Variants in LRRC3B observed in about 807,000 individuals in gnomAD.
The protein encoded by LRRC3B is leucine rich repeat containing 3B, also known as leucine-rich repeat-containing protein 3B.
A neutral mutation model predicts 12.8 loss-of-function variants in LRRC3B; 2 were observed. That is an observed-to-expected ratio of 0.16 (90% CI 0.06 to 0.49). The LOEUF (loss-of-function observed/expected upper bound fraction) is 0.49. Among genes scored for constraint, LRRC3B ranks in the 20% least tolerant of loss-of-function variants. The pLI, the probability that LRRC3B is intolerant of heterozygous loss-of-function variation, is 0.96. For synonymous variants in LRRC3B, 132 were observed against 122.0 expected (o/e 1.08, Z -0.54); for missense variants, 189 against 319.4 (o/e 0.59, Z 3.11).
intron 1 of LRRC3B, among the ~76,000 whole-genome samples, chr3:26,700,817 A>G (rs1277697724): frequency 6.6e-6 from 1 of 152,194 alleles, no homozygotes; most frequent in African/African-American, 2.4e-5. Flanking sequence ...TCTGTCATTT[A>G]GCTGTAGTTA....
chr3:26,707,611 A>G (rs1700631678), intron 1 of LRRC3B, among the ~76,000 whole-genome samples: 1 of 152,184 alleles, frequency 6.6e-6, no homozygotes, highest in Non-Finnish European at 1.5e-5. Context: ...GGCTGGTTGC[A>G]TATACTCAAT....
At chr3:26,699,875 A>G (rs949949221) in intron 1 of LRRC3B, among the ~76,000 whole-genome samples, 2 of 152,186 alleles carry the variant, frequency 1.3e-5, no homozygotes, top group African/African-American at 4.8e-5. Flanking sequence ...TGGATGTAGC[A>G]GAGACATCGT....
intron 1 of LRRC3B, among the ~76,000 whole-genome samples, chr3:26,671,373 T>TATATATATATATAGAG (rs1261897533): frequency 3.5e-5 from 1 of 28,256 alleles, no homozygotes; most frequent in African/African-American, 1.5e-4. Flanking sequence ...TATATATATA[T>TATATATATATATAGAG]AGAGAGAGAG....
intron 1 of LRRC3B, among the ~76,000 whole-genome samples, chr3:26,661,114 T>C (rs1699483210): frequency 6.6e-6 from 1 of 152,168 alleles, no homozygotes; most frequent in South Asian, 2.1e-4. Context: ...CCCAGGGGTA[T>C]GTACATCAGT....
intron 1 of LRRC3B, among the ~76,000 whole-genome samples, chr3:26,684,880 C>A (rs1317897827): frequency 1.3e-5 from 2 of 152,220 alleles, no homozygotes; most frequent in Admixed American, 1.3e-4. Flanking sequence ...AGTAGCAGAT[C>A]TCTGTTACTC....
chr3:26,642,713 A>G (rs1699056298), intron 1 of LRRC3B, among the ~76,000 whole-genome samples: 1 of 152,118 alleles, frequency 6.6e-6, no homozygotes, highest in South Asian at 2.1e-4. Flanking sequence ...ACTACACATC[A>G]GCAGGAATTA....
intron 1 of LRRC3B, among the ~76,000 whole-genome samples, chr3:26,634,787 G>T (rs564544780): frequency 6.6e-6 from 1 of 152,142 alleles, no homozygotes; most frequent in Admixed American, 6.5e-5. Flanking sequence ...ATTATTTCTG[G>T]TTGAGGGGCT....
At chr3:26,656,169 GCTGCCA>G (rs1185952609) in intron 1 of LRRC3B, among the ~76,000 whole-genome samples, 6 of 152,264 alleles carry the variant, frequency 3.9e-5, no homozygotes, top group East Asian at 1.9e-4. Flanking sequence ...TGCTGCTGCT[GCTGCCA>G]CTGCCACTGC....
chr3:26,709,450 C>T (rs1575187187), intron 1 of LRRC3B, 63 bp from the exon 2 acceptor site: 1 of 570,030 alleles, frequency 1.8e-6, no homozygotes, highest in Non-Finnish European at 3.1e-6. Flanking sequence ...CTGAGAACAC[C>T]TTTCATTACA....
chr3:26,676,480 A>G (rs939749844), intron 1 of LRRC3B, among the ~76,000 whole-genome samples: 2 of 152,076 alleles, frequency 1.3e-5, no homozygotes, highest in Non-Finnish European at 2.9e-5. Flanking sequence ...AATCCAGTCT[A>G]TCATTGTTGG....
intron 1 of LRRC3B, among the ~76,000 whole-genome samples, chr3:26,669,790 C>T (rs1186808904): frequency 1.3e-5 from 2 of 152,162 alleles, no homozygotes; most frequent in Non-Finnish European, 1.5e-5. Flanking sequence ...CCATAAGTGG[C>T]ATGTGCTAAC....
intron 1 of LRRC3B, among the ~76,000 whole-genome samples, chr3:26,677,280 T>TTGA (rs1349422982): frequency 6.6e-6 from 1 of 151,698 alleles, no homozygotes; most frequent in Non-Finnish European, 1.5e-5. Context: ...GAGGGGAGGG[T>TTGA]TGATACTGAA....
At chr3:26,670,238 T>G (rs1285184944) in intron 1 of LRRC3B, among the ~76,000 whole-genome samples, 1 of 152,334 alleles carries the variant, frequency 6.6e-6, no homozygotes, top group Non-Finnish European at 1.5e-5. Context: ...TTTCCTCACT[T>G]TGCCTTGCAG....
chr3:26,666,834 A>G (rs879921495), intron 1 of LRRC3B, among the ~76,000 whole-genome samples: 18 of 152,084 alleles, frequency 1.2e-4, no homozygotes, highest in Non-Finnish European at 2.1e-4. Context: ...CAGTTTCTCA[A>G]TATTTCCTTG....
At chr3:26,656,080 A>G (rs952420611) in intron 1 of LRRC3B, among the ~76,000 whole-genome samples, 73 of 152,174 alleles carry the variant, frequency 4.8e-4, no homozygotes, top group African/African-American at 1.7e-3. Flanking sequence ...TTTTAGCTCA[A>G]TGATTTATGA....
At chr3:26,634,908 G>C (rs1309324409) in intron 1 of LRRC3B, among the ~76,000 whole-genome samples, 1 of 152,168 alleles carries the variant, frequency 6.6e-6, no homozygotes, top group Non-Finnish European at 1.5e-5. Context: ...AAAAACTCCA[G>C]GCTATTATAA....
chr3:26,627,081 C>A (rs557450379), intron 1 of LRRC3B, among the ~76,000 whole-genome samples: 73 of 152,310 alleles, frequency 4.8e-4, no homozygotes, highest in African/African-American at 1.7e-3. Context: ...AAAAATAGTT[C>A]TTTGTCACTT....
At chr3:26,654,863 T>C (rs1349694820) in intron 1 of LRRC3B, among the ~76,000 whole-genome samples, 1 of 152,208 alleles carries the variant, frequency 6.6e-6, no homozygotes, top group Non-Finnish European at 1.5e-5. Flanking sequence ...AAAGCAGAAA[T>C]TATAAGCCTG....
At chr3:26,666,883 T>C (rs1393282585) in intron 1 of LRRC3B, among the ~76,000 whole-genome samples, 1 of 152,166 alleles carries the variant, frequency 6.6e-6, no homozygotes, top group African/African-American at 2.4e-5. Context: ...GTCAGGTATT[T>C]TGTAGAATAG....
Sources: gnomAD v4.1 joint callset for allele counts (sites outside exome capture counted in the v4.1 genomes callset) on GRCh38, gnomAD v4.1.1 for gene constraint, MANE v1.5 for transcripts, NCBI Gene and HGNC (gene_info 2026-07-23, HGNC 2026-07-21) for gene names.